The following CFAP91 variants were observed in gnomAD, a reference collection of about 807,000 sequenced individuals.
CFAP91 encodes the protein cilia- and flagella-associated protein 91.
Under a neutral mutation model 95.9 loss-of-function variants are expected in CFAP91, and 85 were observed. The ratio of observed to expected loss-of-function variants is 0.89; its 90% CI spans 0.74 to 1.06. The LOEUF is 1.06. CFAP91 is among the 50% of genes least tolerant of loss of function. The probability of loss-of-function intolerance (pLI) is 0.00; values close to 1 mark genes in which losing one functional copy is unlikely to be tolerated. For missense variants in CFAP91, 962 were observed against 943.4 expected (o/e 1.02, Z -0.26); for synonymous variants, 335 against 327.5 (o/e 1.02, Z -0.25).
intron 12 of CFAP91, 102 bp downstream of exon 12, chr3:119,739,428 G>T: frequency 9.8e-7 from 1 of 1,025,608 alleles, no homozygotes. Context: ...TTTGCACCCT[G>T]CTATCCTATT....
intron 17 of CFAP91, among the ~76,000 whole-genome samples, chr3:119,753,967 A>G (rs973756529): frequency 2.6e-5 from 4 of 152,218 alleles, no homozygotes; most frequent in African/African-American, 9.6e-5. Context: ...CATCTAGTCT[A>G]TGGTGTTTGG....
intron 17 of CFAP91, among the ~76,000 whole-genome samples, chr3:119,755,129 A>G (rs1313902948): frequency 1.3e-5 from 2 of 152,162 alleles, no homozygotes; most frequent in Non-Finnish European, 2.9e-5. Flanking sequence ...GACAAGTCAT[A>G]TCTTGAGTCT....
intron 5 of CFAP91, 148 bp downstream of exon 5, chr3:119,710,043 G>A: frequency 4.8e-6 from 3 of 625,500 alleles, no homozygotes; most frequent in East Asian, 2.8e-5. Context: ...AGTGTGTCAT[G>A]AGCAGCATTT....
intron 1 of CFAP91, chr3:119,706,424 A>G (rs2053365216): frequency 6.2e-6 from 1 of 160,028 alleles, no homozygotes; most frequent in Admixed American, 6.3e-5. Flanking sequence ...TCACTTGCAA[A>G]TTGGCATAGT....
chr3:119,722,177 T>TAAAAAAA (rs569308101), intron 6 of CFAP91, among the ~76,000 whole-genome samples: 65 of 91,226 alleles, frequency 7.1e-4, no homozygotes, highest in African/African-American at 2.8e-3. Flanking sequence ...ACCCTGTCTC[T>TAAAAAAA]AAAAAAAAAA....
At chr3:119,707,329 T>A (rs2053384963) in intron 2 of CFAP91, 75 bp from the exon 3 acceptor site, 1 of 1,119,860 alleles carries the variant, frequency 8.9e-7, no homozygotes, top group African/African-American at 1.5e-5. Flanking sequence ...TTAAAAAGAG[T>A]TTACAATGTA....
chr3:119,736,097 T>C (rs1010590678), intron 10 of CFAP91, among the ~76,000 whole-genome samples: 3 of 151,846 alleles, frequency 2.0e-5, no homozygotes, highest in Non-Finnish European at 4.4e-5. Flanking sequence ...CCTTTAAAAA[T>C]ATATAATTCA....
chr3:119,722,810 G>A (rs888502982), intron 6 of CFAP91, among the ~76,000 whole-genome samples: 17 of 151,694 alleles, frequency 1.1e-4, no homozygotes, highest in Non-Finnish European at 2.1e-4. Flanking sequence ...TTACATGCAC[G>A]GTAGCAATGA....
chr3:119,723,614 C>T (rs1339970602), intron 6 of CFAP91, among the ~76,000 whole-genome samples: 1 of 152,014 alleles, frequency 6.6e-6, no homozygotes, highest in Admixed American at 6.6e-5. Context: ...AGTACAATAC[C>T]ATGTATGTAA....
rs919912236 is a variant in CFAP91, at chr3:119,766,937, C to T, written c.*1887C>T. The T allele has an allele frequency of 6.6e-6, 1 of 152,184 alleles. No homozygotes were observed. The allele number at this position is 152,184 out of a possible 1,614,324, so 9.4% of individuals were successfully genotyped here. A position where few individuals can be genotyped will look rare whatever the true frequency, so the allele number is the denominator to read the frequency against. The stretch of plus-strand genomic sequence containing the variant: ...GTCAAGGAAAATACAAGTTGTTATA[C>T]AATTCTCATTGACTAATTGAAGTTT... On this transcript the variant is annotated 3_prime_UTR_variant, in exon 18 of 18. Transcript: ENST00000273390.
chr3:119,705,329 C>T (rs1417641980), intron 1 of CFAP91, among the ~76,000 whole-genome samples: 1 of 152,242 alleles, frequency 6.6e-6, no homozygotes, highest in Non-Finnish European at 1.5e-5. Flanking sequence ...CAAAGATGAA[C>T]ACCTTTCCAG....
At chr3:119,753,651 C>T (rs369733258) in intron 17 of CFAP91, among the ~76,000 whole-genome samples, 21 of 152,080 alleles carry the variant, frequency 1.4e-4, no homozygotes, top group African/African-American at 2.7e-4. Flanking sequence ...ATATTGGAAT[C>T]GTTAGACCCA....
In CFAP91 at chr3:119,715,832, G is replaced by C. The variant is rs951531208; in HGVS notation, c.682+89G>C. 1.4e-5 allele frequency: 16 copies of C among 1,184,410 alleles called. No individual in the cohort carries two copies. The African/African-American group carries it at 2.2e-4, about 17-fold the overall frequency. 73.4% of individuals were successfully genotyped at this position (1,184,410 alleles called of 1,614,324 possible). On this transcript the variant is annotated intron_variant, in intron 6 of 17. Transcript: ENST00000273390. ...AATGGCCCATGTACAGGCAATTGTG[G>C]TTTACAGTGTTGCTATATAAAGTGT...
chr3:119,746,089 A>G (rs1250948393), intron 14 of CFAP91, among the ~76,000 whole-genome samples: 1 of 152,224 alleles, frequency 6.6e-6, no homozygotes, highest in Non-Finnish European at 1.5e-5. Flanking sequence ...CTATATACAT[A>G]CACCTGTAAA....
chr3:119,724,168 C>CAAA (rs60965924), intron 6 of CFAP91, among the ~76,000 whole-genome samples: 5 of 98,796 alleles, frequency 5.1e-5, no homozygotes, highest in African/African-American at 1.9e-4. Flanking sequence ...GACTTCATCT[C>CAAA]AAAAAAAAAA....
chr3:119,753,782 A>C (rs992492090), intron 17 of CFAP91, among the ~76,000 whole-genome samples: 1 of 152,202 alleles, frequency 6.6e-6, no homozygotes, highest in African/African-American at 2.4e-5. Context: ...ACACTGCACC[A>C]TATTTATAGT....
chr3:119,752,988 G>A (rs60639590), intron 17 of CFAP91, among the ~76,000 whole-genome samples: 33,590 of 151,952 alleles, frequency 0.22, 3,854 homozygotes, highest in Admixed American at 0.25. Flanking sequence ...ACAGATGTGA[G>A]ATTATTCAAT....
At chr3:119,716,412 A>G (rs1308992820) in intron 6 of CFAP91, among the ~76,000 whole-genome samples, 1 of 152,234 alleles carries the variant, frequency 6.6e-6, no homozygotes, top group Non-Finnish European at 1.5e-5. Context: ...TCCTCCAAGG[A>G]CATAGAGATA....
Position 119,765,676 on chromosome 3 carries a change from G to A in CFAP91, c.*626G>A, listed in dbSNP as rs902505910. On this transcript the variant is annotated 3_prime_UTR_variant, in exon 18 of 18. Transcript: ENST00000273390. ...GAAGTGTGTTCATGCAACAGCCATA[G>A]AGATGGTGCTATTGAAAGGCAATCT... The A allele has an allele frequency of 7.2e-5, 11 of 152,350 alleles. No homozygotes were observed. The highest frequency in any genetic ancestry group is 1.5e-4 in the Non-Finnish European group (10 of 68,026). 9.4% of individuals were successfully genotyped at this position (152,350 alleles called of 1,614,324 possible).
Sources: allele counts gnomAD v4.1 joint callset (sites outside exome capture counted in the v4.1 genomes callset), GRCh38; gene constraint gnomAD v4.1.1; transcripts MANE v1.5; gene names NCBI Gene and HGNC (gene_info 2026-07-23, HGNC 2026-07-21).